The following ECT2L variants were observed in gnomAD, a reference collection of about 807,000 sequenced individuals.
ECT2L encodes epithelial cell-transforming sequence 2 oncogene-like.
In ECT2L, 126 loss-of-function variants were observed where a neutral mutation model predicts 122.8. The observed-to-expected ratio is 1.03, with a 90% CI of 0.89 to 1.19. The LOEUF (loss-of-function observed/expected upper bound fraction) is 1.19. ECT2L is among the 50% of genes most tolerant of loss of function. The pLI is 0.00. For missense variants in ECT2L, 1,012 were observed against 1,064.1 expected (o/e 0.95, Z 0.68); for synonymous variants, 385 against 381.8 (o/e 1.01, Z -0.10).
At position 138,882,885 on chromosome 6, in the gene ECT2L, AATTC is replaced by A. The variant is rs201958357; in HGVS notation, c.2028+15_2028+18del. 5.8e-3 allele frequency: 9,354 copies of A among 1,613,114 alleles called. 125 individuals carry two copies. The highest frequency in any genetic ancestry group is 0.043 in the East Asian group (1,939 of 44,848). On this transcript the variant is annotated intron_variant, in intron 16 of 21. Coordinates refer to ENST00000541398, the MANE Select transcript of ECT2L (RefSeq NM_001077706.3). Reference sequence around the variant, plus strand: ...ACTATTGAGAAGGTAAATGAGTTTCAATTCCATCATTCTATAAGACCTGAGCTAG... The same window carrying A: ...ACTATTGAGAAGGTAAATGAGTTTCACATCATTCTATAAGACCTGAGCTAG...
chr6:138,882,935 C>A, intron 16 of ECT2L, 64 bp downstream of exon 16: 1 of 1,539,426 alleles, frequency 6.5e-7, no homozygotes, highest in Non-Finnish European at 8.9e-7. Context: ...ACGTGTGGAA[C>A]CCGAAAGACC....
chr6:138,854,832 C>T (rs939696469), intron 10 of ECT2L, among the ~76,000 whole-genome samples: 11 of 152,190 alleles, frequency 7.2e-5, no homozygotes, highest in African/African-American at 1.9e-4. Context: ...TCAAAGTTGA[C>T]TTCTATGCTT....
chr6:138,834,207 T>G (rs1051957851), intron 4 of ECT2L, among the ~76,000 whole-genome samples: 11 of 152,224 alleles, frequency 7.2e-5, no homozygotes, highest in African/African-American at 2.7e-4. Context: ...CAAAACACAT[T>G]TTTTCACTGT....
intron 4 of ECT2L, among the ~76,000 whole-genome samples, chr6:138,818,974 C>T (rs1022668331): frequency 6.6e-6 from 1 of 152,058 alleles, no homozygotes; most frequent in African/African-American, 2.4e-5. Flanking sequence ...AGAAGCTTGA[C>T]TAAAGTTTGG....
At chr6:138,901,156 T>C in intron 21 of ECT2L, 36 bp downstream of exon 21, 1 of 1,595,464 alleles carries the variant, frequency 6.3e-7, no homozygotes, top group Non-Finnish European at 8.6e-7. Context: ...ACAGATACCT[T>C]CAAAAAGCTA....
chr6:138,847,511 C>T (rs564638208), intron 8 of ECT2L, among the ~76,000 whole-genome samples: 6 of 148,916 alleles, frequency 4.0e-5, no homozygotes, highest in Admixed American at 6.7e-5. Context: ...GCTGGGACTA[C>T]AGGCGCCCGC....
At chr6:138,861,123 T>C (rs1777814796) in intron 10 of ECT2L, among the ~76,000 whole-genome samples, 1 of 152,196 alleles carries the variant, frequency 6.6e-6, no homozygotes, top group Admixed American at 6.5e-5. Flanking sequence ...TTATCCAGTC[T>C]ACGAATGATG....
In ECT2L at chr6:138,865,168, CAGGATGAT is replaced by C. The variant is rs779076278; in HGVS notation, c.1468_1474+1del. 1.2e-6 allele frequency: 2 copies of C among 1,610,064 alleles called. No homozygotes were observed. The highest frequency in any genetic ancestry group is 1.3e-5 in the African/African-American group (1 of 74,994). ...AGGAACTGCAGAAGAGCATCAGTGG[CAGGATGAT>C]AGGTAAGCAGTCTTGCTACTTCTGT... On this transcript the variant is annotated frameshift_variant and splice_region_variant, in exon 12 of 22. Coordinates refer to ENST00000541398, the MANE Select transcript of ECT2L (RefSeq NM_001077706.3). LOFTEE classifies it high-confidence loss of function.
At chr6:138,893,225 G>GT (rs1391289152) in intron 20 of ECT2L, among the ~76,000 whole-genome samples, 3 of 146,274 alleles carry the variant, frequency 2.1e-5, no homozygotes, top group Admixed American at 2.0e-4. Flanking sequence ...AACATGAGAC[G>GT]TAAGGTTAGA....
chr6:138,821,838 C>T (rs756717931), intron 4 of ECT2L, among the ~76,000 whole-genome samples: 30 of 152,208 alleles, frequency 2.0e-4, no homozygotes, highest in Non-Finnish European at 3.5e-4. Context: ...AGCAGCCAGA[C>T]ATCAAAGCTT....
chr6:138,880,146 C>A (rs1275525060), intron 14 of ECT2L, among the ~76,000 whole-genome samples: 1 of 152,100 alleles, frequency 6.6e-6, no homozygotes, highest in Non-Finnish European at 1.5e-5. Flanking sequence ...GCTGGGGAAG[C>A]AAATTAGTTA....
intron 8 of ECT2L, among the ~76,000 whole-genome samples, chr6:138,847,728 C>T (rs1176327452): frequency 1.3e-5 from 2 of 151,994 alleles, no homozygotes; most frequent in Non-Finnish European, 2.9e-5. Context: ...TGATAACTCA[C>T]TCAAGTGTCA....
intron 12 of ECT2L, among the ~76,000 whole-genome samples, chr6:138,867,074 A>AAAAAAAAC (rs370228856): frequency 0.014 from 2,059 of 151,496 alleles, 32 homozygotes; most frequent in Admixed American, 0.044. Flanking sequence ...ACCCTGTCTC[A>AAAAAAAAC]AAAAAAACAA....
chr6:138,849,560 G>T, intron 9 of ECT2L, 126 bp downstream of exon 9: 67 of 811,988 alleles, frequency 8.3e-5, no homozygotes, highest in Non-Finnish European at 9.6e-5. Flanking sequence ...TTGGCTTTAT[G>T]AAAAAAGCGA....
intron 20 of ECT2L, among the ~76,000 whole-genome samples, chr6:138,898,866 G>A (rs562079816): frequency 6.6e-6 from 1 of 152,016 alleles, no homozygotes; most frequent in South Asian, 2.1e-4. Context: ...ATAACATCAC[G>A]TTTTTTGATA....
intron 4 of ECT2L, among the ~76,000 whole-genome samples, chr6:138,824,571 A>G (rs1776374165): frequency 7.8e-6 from 1 of 128,240 alleles, no homozygotes; most frequent in Non-Finnish European, 1.7e-5. Context: ...AAAAAAACAA[A>G]AAACAAAAAC....
At chr6:138,798,615 G>C (rs1027712891) in intron 1 of ECT2L, among the ~76,000 whole-genome samples, 1 of 152,136 alleles carries the variant, frequency 6.6e-6, no homozygotes, top group Non-Finnish European at 1.5e-5. Context: ...TTTTGACTAA[G>C]CATGGAAGTG....
At chr6:138,799,258 A>ATT (rs59936372) in intron 1 of ECT2L, among the ~76,000 whole-genome samples, 2,417 of 147,356 alleles carry the variant, frequency 0.016, 73 homozygotes, top group African/African-American at 0.055. Context: ...TGATTTTCTG[A>ATT]TTTTTTTTTT....
At chr6:138,818,239 G>T (rs1776135087) in intron 4 of ECT2L, among the ~76,000 whole-genome samples, 2 of 152,170 alleles carry the variant, frequency 1.3e-5, no homozygotes, top group African/African-American at 2.4e-5. Flanking sequence ...AGCCCATGAA[G>T]GATTCACTCT....
Sources: allele counts gnomAD v4.1 joint callset (sites outside exome capture counted in the v4.1 genomes callset), GRCh38; gene constraint gnomAD v4.1.1; transcripts MANE v1.5; gene names NCBI Gene and HGNC (gene_info 2026-07-23, HGNC 2026-07-21).